Variants in EXOC6 observed in about 807,000 individuals in gnomAD.
EXOC6 encodes SEC15-like 1.
EXOC6 carries 60 observed loss-of-function variants against 112.5 expected under a neutral mutation model. The observed-to-expected ratio is 0.53, with a 90% CI of 0.43 to 0.66. The LOEUF is 0.66. Among genes scored for constraint, EXOC6 ranks in the 30% least tolerant of loss-of-function variants. EXOC6 has a pLI of 0.00. For synonymous variants in EXOC6, 295 were observed against 308.0 expected (o/e 0.96, Z 0.44); for missense variants, 855 against 957.1 (o/e 0.89, Z 1.41).
chr10:92,892,785 T>C (rs374595194), intron 1 of EXOC6, among the ~76,000 whole-genome samples: 1 of 152,206 alleles, frequency 6.6e-6, no homozygotes, highest in African/African-American at 2.4e-5. Flanking sequence ...CAATATGGGC[T>C]TGTACCTGAG....
At chr10:92,896,748 G>T (rs1277960126) in intron 4 of EXOC6, among the ~76,000 whole-genome samples, 4 of 151,992 alleles carry the variant, frequency 2.6e-5, no homozygotes, top group Non-Finnish European at 2.9e-5. Context: ...TAGAGGTGGG[G>T]TTTCACCATG....
chr10:92,848,508 C>T, upstream of EXOC6: 2 of 1,333,618 alleles, frequency 1.5e-6, no homozygotes, highest in Admixed American at 2.5e-5. Flanking sequence ...CGCCGCGCCT[C>T]GCTGGCTCCT....
chr10:92,950,164 A>T (rs1271441861), intron 14 of EXOC6, among the ~76,000 whole-genome samples: 2 of 152,226 alleles, frequency 1.3e-5, no homozygotes, highest in African/African-American at 4.8e-5. Context: ...AAATTAAAAT[A>T]TGACAACTGA....
intron 17 of EXOC6, among the ~76,000 whole-genome samples, chr10:92,968,099 A>T (rs142919292): frequency 0.01 from 1,570 of 152,146 alleles, 22 homozygotes; most frequent in South Asian, 0.044. Context: ...CCTAATGTTA[A>T]TGAAGTTAAA....
intron 8 of EXOC6, among the ~76,000 whole-genome samples, chr10:92,924,352 C>T (rs1039576167): frequency 2.6e-5 from 4 of 152,164 alleles, no homozygotes; most frequent in Non-Finnish European, 4.4e-5. Flanking sequence ...GTTAGTAAAG[C>T]TGTATCTTTT....
At chr10:92,915,208 T>G (rs746113473) in intron 6 of EXOC6, among the ~76,000 whole-genome samples, 2 of 152,074 alleles carry the variant, frequency 1.3e-5, no homozygotes, top group Non-Finnish European at 2.9e-5. Flanking sequence ...ATATGCCAAC[T>G]GAGGAAATAC....
intron 20 of EXOC6, among the ~76,000 whole-genome samples, chr10:93,051,869 C>T (rs1846305949): frequency 6.6e-6 from 1 of 151,984 alleles, no homozygotes; most frequent in Non-Finnish European, 1.5e-5. Context: ...TTTTTGGAGG[C>T]AAAGGAAAAA....
chr10:93,016,759 T>C (rs1009069242), intron 20 of EXOC6, among the ~76,000 whole-genome samples: 2 of 152,150 alleles, frequency 1.3e-5, no homozygotes, highest in African/African-American at 4.8e-5. Flanking sequence ...TGTTATTATA[T>C]GTCACAAAAA....
intron 20 of EXOC6, among the ~76,000 whole-genome samples, chr10:93,017,275 G>A (rs974783715): frequency 5.3e-5 from 8 of 151,966 alleles, no homozygotes; most frequent in Non-Finnish European, 1.2e-4. Context: ...GGGAGGGTGG[G>A]AGAAGGGATG....
At chr10:92,983,459 T>G (rs897438062) in intron 18 of EXOC6, among the ~76,000 whole-genome samples, 7 of 151,746 alleles carry the variant, frequency 4.6e-5, no homozygotes, top group African/African-American at 1.7e-4. Flanking sequence ...AAGTATTGAT[T>G]GTTACATTTT....
chr10:92,888,553 G>A (rs1849345900), intron 1 of EXOC6, among the ~76,000 whole-genome samples: 1 of 152,188 alleles, frequency 6.6e-6, no homozygotes, highest in African/African-American at 2.4e-5. Flanking sequence ...AAGGGACTCT[G>A]TATTCGGGTA....
At chr10:92,977,540 A>G (rs1229900046) in intron 18 of EXOC6, among the ~76,000 whole-genome samples, 1 of 152,150 alleles carries the variant, frequency 6.6e-6, no homozygotes, top group Non-Finnish European at 1.5e-5. Flanking sequence ...TTTTATATCA[A>G]TGAATTTTTA....
chr10:92,897,668 A>G lies in EXOC6; in HGVS notation c.413-1931A>G, dbSNP rs558249240. 3.3e-5 allele frequency among the ~76,000 whole-genome samples: 5 copies of G among 152,334 alleles called. No individual in the cohort carries two copies. The South Asian group carries it at 8.3e-4, about 25-fold the overall frequency. On this transcript the variant is annotated intron_variant, in intron 4 of 21. Transcript: ENST00000260762. Reference sequence around the variant, plus strand: ...TCTGAGGCTCACCTGAGACAAATCCATATCTGATTGCTTCCTCTGCCCTTT... The same window carrying G: ...TCTGAGGCTCACCTGAGACAAATCCGTATCTGATTGCTTCCTCTGCCCTTT...
chr10:92,849,179 C>T (rs1342958200), intron 1 of EXOC6, among the ~76,000 whole-genome samples: 1 of 152,074 alleles, frequency 6.6e-6, no homozygotes, highest in African/African-American at 2.4e-5. Flanking sequence ...CCCCGCGCGG[C>T]CGCAGTGGGC....
chr10:93,052,595 TA>T (rs1846350768), intron 20 of EXOC6, among the ~76,000 whole-genome samples: 1 of 152,230 alleles, frequency 6.6e-6, no homozygotes, highest in Non-Finnish European at 1.5e-5. Flanking sequence ...CTTGGAATAC[TA>T]ATTTCAGATA....
At chr10:92,961,463 G>A (rs1386398734) in intron 17 of EXOC6, among the ~76,000 whole-genome samples, 1 of 152,090 alleles carries the variant, frequency 6.6e-6, no homozygotes, top group Non-Finnish European at 1.5e-5. Context: ...TAAAAGGTAA[G>A]TTAGAAAACA....
chr10:93,042,514 A>G (rs943754373), intron 20 of EXOC6, among the ~76,000 whole-genome samples: 1 of 152,150 alleles, frequency 6.6e-6, no homozygotes, highest in African/African-American at 2.4e-5. Context: ...AATCTCTTTT[A>G]CGGAAGAGAA....
At chr10:92,916,851 A>G (rs565534719) in intron 7 of EXOC6, among the ~76,000 whole-genome samples, 2 of 152,338 alleles carry the variant, frequency 1.3e-5, no homozygotes, top group African/African-American at 4.8e-5. Flanking sequence ...TATTAGGACA[A>G]TGGAGTCATC....
rs562054560 is a variant in EXOC6 at position 92,937,767 on chromosome 10, T to C, written c.1212+1882T>C. Reference sequence around the variant, plus strand: ...TTGAGATATTAGGTTAGTGCAAAAGTAATTGTGATTTTTGCCATGGAGAGC... The same window carrying C: ...TTGAGATATTAGGTTAGTGCAAAAGCAATTGTGATTTTTGCCATGGAGAGC... On this transcript the variant is annotated intron_variant, in intron 12 of 21. Transcript: ENST00000260762. 2.0e-5 allele frequency among the ~76,000 whole-genome samples: 3 copies of C among 152,284 alleles called. No individual in the cohort carries two copies. The East Asian group carries it at 5.8e-4, about 29-fold the overall frequency.
Sources: gnomAD v4.1 joint callset for allele counts (sites outside exome capture counted in the v4.1 genomes callset) on GRCh38, gnomAD v4.1.1 for gene constraint, MANE v1.5 for transcripts, NCBI Gene and HGNC (gene_info 2026-07-23, HGNC 2026-07-21) for gene names.